The following LDLRAD3 variants were observed in gnomAD, a reference collection of about 807,000 sequenced individuals.
LDLRAD3 encodes the protein low density lipoprotein receptor class A domain containing 3, also known as low-density lipoprotein receptor class A domain-containing protein 3.
A neutral mutation model predicts 29.4 loss-of-function variants in LDLRAD3; 20 were observed. The ratio of observed to expected loss-of-function variants is 0.68; its 90% confidence interval spans 0.48 to 0.99. The LOEUF (loss-of-function observed/expected upper bound fraction) is 0.99, where lower values mean the gene tolerates loss of function less well. Ranked by LOEUF, LDLRAD3 falls within the 50% of genes least tolerant of loss-of-function variation. The pLI is 0.00. For synonymous variants in LDLRAD3, 157 were observed against 192.7 expected (o/e 0.81, Z 1.53); for missense variants, 420 against 454.3 (o/e 0.92, Z 0.69).
intron 4 of LDLRAD3, among the ~76,000 whole-genome samples, chr11:36,218,195 A>G (rs991847912): frequency 7.9e-5 from 12 of 152,148 alleles, no homozygotes; most frequent in Non-Finnish European, 1.3e-4. Flanking sequence ...GATGGTTGTT[A>G]GTATTATTAG....
chr11:35,977,941 C>T (rs1160893734), intron 1 of LDLRAD3, among the ~76,000 whole-genome samples: 3 of 152,168 alleles, frequency 2.0e-5, no homozygotes, highest in Non-Finnish European at 4.4e-5. Context: ...GACGCTCAGA[C>T]CATAGCAGTG....
chr11:36,169,156 C>CT (rs373539880), intron 4 of LDLRAD3, among the ~76,000 whole-genome samples: 388 of 152,176 alleles, frequency 2.5e-3, no homozygotes, highest in African/African-American at 8.7e-3. Flanking sequence ...GATCTGTGAG[C>CT]TTTTTTATTG....
Position 36,231,621 on chromosome 11 carries a change from G to A in LDLRAD3, c.*2224G>A, listed in dbSNP as rs962195778. 24 of 152,188 alleles carry A rather than the reference G, an allele frequency of 1.6e-4. No individual in the cohort carries two copies. Among genetic ancestry groups the A allele is most frequent in the Non-Finnish European group, 2.8e-4 (19 of 68,034 alleles). The allele number at this position is 152,188 out of a possible 1,614,324, so 9.4% of individuals were successfully genotyped here. Reference sequence around the variant, plus strand: ...ATCTTAGGAAAAACAAATGGTTTTAGTAGATAAGGGATGCCTACTAATGCT... The same window carrying A: ...ATCTTAGGAAAAACAAATGGTTTTAATAGATAAGGGATGCCTACTAATGCT... On this transcript the variant is annotated 3_prime_UTR_variant, in exon 6 of 6. Transcript: ENST00000315571.
intron 1 of LDLRAD3, among the ~76,000 whole-genome samples, chr11:36,033,547 G>C (rs409041): frequency 0.63 from 95,495 of 152,114 alleles, 30,054 homozygotes; most frequent in Admixed American, 0.72. Flanking sequence ...GGCTTGCCTT[G>C]GAGGAGCTAA....
intron 4 of LDLRAD3, among the ~76,000 whole-genome samples, chr11:36,170,897 G>T (rs899594066): frequency 6.6e-6 from 1 of 151,756 alleles, no homozygotes; most frequent in Non-Finnish European, 1.5e-5. Context: ...CGCCTCCTGA[G>T]TTGAAGCGAT....
At chr11:36,185,740 C>G (rs957077340) in intron 4 of LDLRAD3, among the ~76,000 whole-genome samples, 2 of 152,198 alleles carry the variant, frequency 1.3e-5, no homozygotes, top group African/African-American at 4.8e-5. Context: ...CTGAAAGTCA[C>G]CCTTGAAAAC....
chr11:35,965,657 T>TG (rs974290526), intron 1 of LDLRAD3, among the ~76,000 whole-genome samples: 13 of 151,904 alleles, frequency 8.6e-5, no homozygotes, highest in African/African-American at 2.4e-4. Flanking sequence ...CAAAGAGAGA[T>TG]GGGGGAATAA....
chr11:35,979,928 C>T (rs888557454), intron 1 of LDLRAD3, among the ~76,000 whole-genome samples: 1 of 152,206 alleles, frequency 6.6e-6, no homozygotes, highest in Non-Finnish European at 1.5e-5. Flanking sequence ...TGCGGAGCAT[C>T]ATCAAGAATG....
intron 1 of LDLRAD3, among the ~76,000 whole-genome samples, chr11:35,979,917 A>G (rs1214325122): frequency 6.6e-6 from 1 of 152,192 alleles, no homozygotes; most frequent in Non-Finnish European, 1.5e-5. Flanking sequence ...TTGTTTATCA[A>G]TGCGGAGCAT....
At chr11:35,987,725 C>T (rs1431722923) in intron 1 of LDLRAD3, among the ~76,000 whole-genome samples, 5 of 152,148 alleles carry the variant, frequency 3.3e-5, no homozygotes, top group African/African-American at 7.2e-5. Context: ...GTTGAACATA[C>T]GAGTGCATGT....
At chr11:36,021,352 G>A (rs115852809) in intron 1 of LDLRAD3, among the ~76,000 whole-genome samples, 4 of 152,150 alleles carry the variant, frequency 2.6e-5, no homozygotes, top group Non-Finnish European at 4.4e-5. Context: ...AGGAGCTTCC[G>A]AGATGACTGA....
intron 4 of LDLRAD3, among the ~76,000 whole-genome samples, chr11:36,141,207 T>C (rs1176726456): frequency 6.6e-6 from 1 of 152,192 alleles, no homozygotes; most frequent in African/African-American, 2.4e-5. Flanking sequence ...CAGGATAATG[T>C]TTATTTAATA....
chr11:36,142,892 G>A (rs1049388602), intron 4 of LDLRAD3, among the ~76,000 whole-genome samples: 35 of 152,186 alleles, frequency 2.3e-4, no homozygotes, highest in African/African-American at 7.7e-4. Flanking sequence ...GTGCAGTCAC[G>A]CAAAAATCCA....
chr11:36,150,774 A>T (rs1273541465), intron 4 of LDLRAD3, among the ~76,000 whole-genome samples: 3 of 136,474 alleles, frequency 2.2e-5, no homozygotes, highest in Non-Finnish European at 4.8e-5. Context: ...AATAAATAAA[A>T]AATTAAAAAG....
chr11:36,015,522 C>T (rs925427680), intron 1 of LDLRAD3, among the ~76,000 whole-genome samples: 4 of 151,916 alleles, frequency 2.6e-5, no homozygotes, highest in Admixed American at 6.6e-5. Context: ...ACGCACATAC[C>T]GAAGAGCGCG....
At chr11:36,064,479 A>ATTTTTTTT (rs34464861) in intron 2 of LDLRAD3, among the ~76,000 whole-genome samples, 2 of 120,608 alleles carry the variant, frequency 1.7e-5, no homozygotes, top group Admixed American at 9.3e-5. Flanking sequence ...TGGCTAATTA[A>ATTTTTTTT]TTTTTTTTTT....
chr11:35,962,455 G>T (rs1454063975), intron 1 of LDLRAD3, among the ~76,000 whole-genome samples: 1 of 152,026 alleles, frequency 6.6e-6, no homozygotes, highest in East Asian at 1.9e-4. Flanking sequence ...CCACCCTCTG[G>T]GGCCGTCATC....
At chr11:36,178,282 T>C (rs187339892) in intron 4 of LDLRAD3, among the ~76,000 whole-genome samples, 1 of 152,310 alleles carries the variant, frequency 6.6e-6, no homozygotes, top group African/African-American at 2.4e-5. Flanking sequence ...AGTGAGAGTT[T>C]CTTCAACCTC....
chr11:36,135,662 C>A (rs1472505198), intron 4 of LDLRAD3, among the ~76,000 whole-genome samples: 1 of 152,224 alleles, frequency 6.6e-6, no homozygotes, highest in Non-Finnish European at 1.5e-5. Flanking sequence ...GTAACCCCAG[C>A]ACTTTGGGAA....
Sources: gnomAD v4.1 joint callset for allele counts (sites outside exome capture counted in the v4.1 genomes callset) on GRCh38, gnomAD v4.1.1 for gene constraint, MANE v1.5 for transcripts, NCBI Gene and HGNC (gene_info 2026-07-23, HGNC 2026-07-21) for gene names.